Variants in CUL2 observed in about 807,000 individuals in gnomAD.
The protein encoded by CUL2 is cullin 2, also known as cullin-2.
In CUL2, 22 loss-of-function variants were observed where a neutral mutation model predicts 110.2. That is an observed-to-expected ratio of 0.20 (90% CI 0.14 to 0.28). CUL2 has a LOEUF of 0.28. Ranked by LOEUF, CUL2 falls within the 10% of genes least tolerant of loss-of-function variation. The probability of loss-of-function intolerance (pLI) is 1.00; values close to 1 mark genes in which losing one functional copy is unlikely to be tolerated. For missense variants in CUL2, 631 were observed against 905.5 expected (o/e 0.70, Z 3.89); for synonymous variants, 279 against 293.2 (o/e 0.95, Z 0.49).
intron 1 of CUL2, among the ~76,000 whole-genome samples, chr10:35,082,014 A>G (rs1006934900): frequency 5.3e-5 from 8 of 152,048 alleles, no homozygotes; most frequent in African/African-American, 1.9e-4. Flanking sequence ...AATCCCAAAG[A>G]GAGCCAGTGA....
At chr10:35,082,544 C>T (rs75745412) in intron 1 of CUL2, among the ~76,000 whole-genome samples, 5 of 152,158 alleles carry the variant, frequency 3.3e-5, no homozygotes, top group East Asian at 1.9e-4. Flanking sequence ...CCCTTAATGA[C>T]GGTTAAAATG....
rs1554851929 is a variant in CUL2, at chr10:35,009,201, T to TCA, written c.*1109_*1110insTG. 7.3e-6 allele frequency: 1 copy of TCA among 137,896 alleles called. No homozygotes were observed. Among genetic ancestry groups the TCA allele is most frequent in the Non-Finnish European group, 1.5e-5 (1 of 65,058 alleles). 8.5% of individuals were successfully genotyped at this position (137,896 alleles called of 1,614,324 possible). ...CTGTTGAGATATATATATATATATA[T>TCA]TATATATATATATATATATAAAATA... is the stretch of plus-strand genomic sequence containing the variant. On this transcript the variant is annotated 3_prime_UTR_variant, in exon 21 of 21. Coordinates refer to ENST00000374749, the MANE Select transcript of CUL2 (RefSeq NM_003591.4).
chr10:35,092,360 G>A (rs144799361), upstream of CUL2, among the ~76,000 whole-genome samples: 32 of 152,330 alleles, frequency 2.1e-4, no homozygotes, highest in African/African-American at 5.3e-4. Context: ...CAACCTGTCC[G>A]GGTGGTCATT....
At chr10:35,034,327 C>T (rs1471180827) in intron 10 of CUL2, among the ~76,000 whole-genome samples, 3 of 151,840 alleles carry the variant, frequency 2.0e-5, no homozygotes, top group African/African-American at 4.8e-5. Context: ...AATAGTTCTA[C>T]AAAAAATAGA....
In CUL2 at chr10:35,016,332, C is replaced by T. The variant is rs2085033322; in HGVS notation, c.1747G>A (p.Ala583Thr). Residue 583 changes from alanine to threonine, a missense_variant, in exon 18 of 21, where the codon GCA becomes ACA. Physicochemically the swap from Ala to Thr is moderately conservative, Grantham distance 58. Coordinates refer to ENST00000374749, the MANE Select transcript of CUL2 (RefSeq NM_003591.4). ...YVAMVTTYQMAVLLAFNNSET... is the reference protein window; with the variant it reads ...YVAMVTTYQMTVLLAFNNSET... ...CTGTTGTTAAAGGCAAGAAGAACTG[C>T]CATTTGGTATGTTGTAACCATGGCT... is the stretch of plus-strand genomic sequence containing the variant. 1.2e-6 allele frequency: 2 copies of T among 1,613,750 alleles called. No homozygotes were observed. Among genetic ancestry groups the T allele is most frequent in the Non-Finnish European group, 1.7e-6 (2 of 1,179,906 alleles).
chr10:35,028,663 C>G lies in CUL2; in HGVS notation c.1617+147G>C, dbSNP rs1362117407. On this transcript the variant is annotated intron_variant, in intron 16 of 20. Coordinates refer to ENST00000374749, the MANE Select transcript of CUL2 (RefSeq NM_003591.4). Reference sequence around the variant, plus strand: ...ATTAGTAACTACAATAACTTACATTCTTCCTAAAGGGCAGACTGACTATAA... The same window carrying G: ...ATTAGTAACTACAATAACTTACATTGTTCCTAAAGGGCAGACTGACTATAA... 6 of 526,632 alleles carry G rather than the reference C, an allele frequency of 1.1e-5. No individual in the cohort carries two copies. The East Asian group carries it at 1.8e-4, about 16-fold the overall frequency. 32.6% of individuals were successfully genotyped at this position (526,632 alleles called of 1,614,324 possible). A position where few individuals can be genotyped will look rare whatever the true frequency, so the allele number is the denominator to read the frequency against.
At chr10:35,078,628 T>C (rs1470584561) in intron 1 of CUL2, among the ~76,000 whole-genome samples, 1 of 152,216 alleles carries the variant, frequency 6.6e-6, no homozygotes, top group Non-Finnish European at 1.5e-5. Context: ...AGAGATTTGT[T>C]CCTGTGAACT....
At chr10:35,011,802 CA>C (rs1270965684) in intron 20 of CUL2, 45 bp downstream of exon 20, 1 of 961,664 alleles carries the variant, frequency 1.0e-6, no homozygotes, top group Non-Finnish European at 1.7e-6. Flanking sequence ...TGTACAATGA[CA>C]ATGCCCTCTA....
chr10:35,110,993 C>T (rs943315350), intron 1 of CUL2, among the ~76,000 whole-genome samples: 5 of 152,270 alleles, frequency 3.3e-5, no homozygotes, highest in Non-Finnish European at 5.9e-5. Flanking sequence ...ACTGCAGTAT[C>T]TCAGCAAGAG....
rs113279918 is a variant in CUL2 at position 35,084,178 on chromosome 10, G to A, written c.-23+6001C>T. ...TATAGTCCCAGCTACTTGGGAGGCT[G>A]AGGCAGGAGAATCACTTGAACCCAG... On this transcript the variant is annotated intron_variant, in intron 1 of 20. Transcript: ENST00000374749. Among the ~76,000 whole-genome samples, 12 of 152,276 alleles carry A rather than the reference G, an allele frequency of 7.9e-5. 1 individual carries two copies. The highest frequency in any genetic ancestry group is 2.9e-4 in the African/African-American group (12 of 41,556).
intron 1 of CUL2, among the ~76,000 whole-genome samples, chr10:35,116,336 C>A (rs1371596759): frequency 1.3e-5 from 2 of 151,630 alleles, no homozygotes; most frequent in East Asian, 3.9e-4. Context: ...CGGAGCCAGA[C>A]TCCATCTCAA....
At chr10:35,051,475 A>T (rs1480854908) in intron 5 of CUL2, among the ~76,000 whole-genome samples, 42 of 137,966 alleles carry the variant, frequency 3.0e-4, no homozygotes, top group Middle Eastern at 5.3e-3. Flanking sequence ...TAGCCGGGCG[A>T]GGTGGCGGGC....
intron 1 of CUL2, among the ~76,000 whole-genome samples, chr10:35,082,621 C>T (rs1011983422): frequency 2.0e-5 from 3 of 152,136 alleles, no homozygotes; most frequent in African/African-American, 7.2e-5. Flanking sequence ...GTTCTGATGT[C>T]AGAGAAGTAT....
At chr10:35,094,474 A>G (rs1738687923), upstream of CUL2, among the ~76,000 whole-genome samples, 1 of 152,160 alleles carries the variant, frequency 6.6e-6, no homozygotes, top group African/African-American at 2.4e-5. Flanking sequence ...ACCTCAGGTG[A>G]TTTGCCCGCC....
In CUL2 at chr10:35,025,199, C is replaced by T; in HGVS notation, c.1618-1G>A. The T allele has an allele frequency of 6.6e-7, 1 of 1,510,428 alleles. No homozygotes were observed. The highest frequency in any genetic ancestry group is 8.8e-7 in the Non-Finnish European group (1 of 1,137,360). 93.6% of individuals were successfully genotyped at this position (1,510,428 alleles called of 1,614,324 possible). On this transcript the variant is annotated splice_acceptor_variant, in intron 16 of 20. Coordinates refer to ENST00000374749, the MANE Select transcript of CUL2 (RefSeq NM_003591.4). LOFTEE classifies it high-confidence loss of function. ...AATGTTGGCTATAAAATAATTCAAA[C>T]TGTAAAAAAAAAAAAAAAACACACA...
chr10:35,022,546 C>T (rs957532473), intron 17 of CUL2, among the ~76,000 whole-genome samples: 22 of 152,248 alleles, frequency 1.4e-4, no homozygotes, highest in African/African-American at 4.3e-4. Flanking sequence ...AGTCCTGGAG[C>T]CTTAGGCCAT....
intron 1 of CUL2, among the ~76,000 whole-genome samples, chr10:35,103,994 G>T (rs760521364): frequency 7.2e-5 from 11 of 151,816 alleles, no homozygotes; most frequent in Admixed American, 6.6e-5. Flanking sequence ...CTTGGGAAAT[G>T]AAATTTAAGC....
At chr10:35,050,263 G>T (rs1394191300) in intron 5 of CUL2, among the ~76,000 whole-genome samples, 1 of 151,616 alleles carries the variant, frequency 6.6e-6, no homozygotes, top group East Asian at 1.9e-4. Flanking sequence ...GGAGGTTGCA[G>T]TGAGCCCAGA....
chr10:35,059,817 T>G (rs2086336401), intron 4 of CUL2, among the ~76,000 whole-genome samples: 1 of 152,224 alleles, frequency 6.6e-6, no homozygotes, highest in South Asian at 2.1e-4. Flanking sequence ...CTGAGTGACC[T>G]TCAACAAAAT....
Sources: allele counts gnomAD v4.1 joint callset (sites outside exome capture counted in the v4.1 genomes callset), GRCh38; gene constraint gnomAD v4.1.1; transcripts MANE v1.5; gene names NCBI Gene and HGNC (gene_info 2026-07-23, HGNC 2026-07-21).